Variants in NUMA1 observed in about 807,000 individuals in gnomAD.
NUMA1 encodes SP-H antigen.
A neutral mutation model predicts 237.1 loss-of-function variants in NUMA1; 62 were observed. That is an observed-to-expected ratio of 0.26 (90% confidence interval 0.21 to 0.32). The LOEUF is 0.32. NUMA1 is among the 10% of genes least tolerant of loss of function. NUMA1 has a pLI of 1.00. For missense variants in NUMA1, 2,533 were observed against 2,666.5 expected, an observed-to-expected ratio of 0.95 and a Z score of 1.10; for synonymous variants, 1,028 against 1,066.1, an observed-to-expected ratio of 0.96 and a Z score of 0.70.
intron 2 of NUMA1, among the ~76,000 whole-genome samples, chr11:72,037,372 G>T (rs1349682330): frequency 6.6e-6 from 1 of 152,198 alleles, no homozygotes; most frequent in African/African-American, 2.4e-5. Flanking sequence ...TGGGCATGGT[G>T]GCGGGCGCCT....
chr11:72,044,525 G>T (rs1031617148), intron 2 of NUMA1, among the ~76,000 whole-genome samples: 1 of 150,774 alleles, frequency 6.6e-6, no homozygotes, highest in Non-Finnish European at 1.5e-5. Context: ...TTACTTTAGG[G>T]TCCAGCTCAA....
chr11:72,064,520 A>C (rs1183771695), intron 2 of NUMA1, among the ~76,000 whole-genome samples: 3 of 152,044 alleles, frequency 2.0e-5, no homozygotes, highest in Non-Finnish European at 2.9e-5. Flanking sequence ...GGAAATACTC[A>C]AGAAATGTTG....
At position 72,009,082 on chromosome 11, in the gene NUMA1, A is replaced by C; in HGVS notation, c.4943T>G (p.Leu1648Arg). 1 of 1,613,616 alleles carries C rather than the reference A, an allele frequency of 6.2e-7. No homozygotes were observed. Among genetic ancestry groups the C allele is most frequent in the Non-Finnish European group, 8.5e-7 (1 of 1,180,024 alleles). ...LEQLQKENKE[L>R]RAEAERLGHE... The stretch of plus-strand genomic sequence containing the variant: ...GCCCAGCCGTTCAGCTTCAGCTCGC[A>C]GCTCTTTGTTTTCCTTCTGCAGCTG... The change falls in exon 19 of 27, where the codon CTG (leucine) becomes CGG (arginine). Residue 1648 changes from leucine (L) to arginine (R), a missense_variant. This residue lies in a region of NUMA1 where 795 missense variants were observed against 750.8 expected (regional missense o/e 1.06). Coordinates refer to ENST00000393695, the MANE Select transcript of NUMA1 (RefSeq NM_006185.4).
chr11:72,004,536 G>C lies in NUMA1; in HGVS notation c.6006+104C>G, dbSNP rs147980089. On this transcript the variant is annotated intron_variant, in intron 24 of 26. Transcript: ENST00000393695. ...AGGCCCTTGGAGAGAGGGAAAGAGA[G>C]GGGGAAGTGAGGGAAGGAGAGAGAA... 1.0e-3 allele frequency: 1,319 copies of C among 1,307,540 alleles called. 1 individual carries two copies. The highest frequency in any genetic ancestry group is 1.3e-3 in the Non-Finnish European group (1,260 of 941,128). 81.0% of individuals were successfully genotyped at this position (1,307,540 alleles called of 1,614,324 possible).
intron 15 of NUMA1, 51 bp from the exon 16 acceptor site, chr11:72,012,493 G>C: frequency 6.4e-7 from 1 of 1,555,118 alleles, no homozygotes; most frequent in South Asian, 1.1e-5. Flanking sequence ...GGCCAAAGAA[G>C]CACCAGCCCT....
chr11:72,017,585 A>G, intron 13 of NUMA1, 102 bp downstream of exon 13: 1 of 1,409,602 alleles, frequency 7.1e-7, no homozygotes, highest in Admixed American at 1.7e-5. Flanking sequence ...CTTGAAGAGA[A>G]AGCAACTTAA....
intron 3 of NUMA1, among the ~76,000 whole-genome samples, chr11:72,033,999 T>C (rs183196340): frequency 2.3e-4 from 35 of 152,272 alleles, no homozygotes; most frequent in Non-Finnish European, 4.4e-4. Flanking sequence ...CCTGTGGTCC[T>C]AGCTACTTGG....
At chr11:72,023,211 A>T in intron 5 of NUMA1, 64 bp from the exon 6 acceptor site, 1 of 1,215,266 alleles carries the variant, frequency 8.2e-7, no homozygotes, top group Non-Finnish European at 1.2e-6. Context: ...AGATCCCAGA[A>T]CACTGAAATC....
chr11:72,016,979 T>A (rs1176024950), intron 13 of NUMA1: 6 of 3,826 alleles, frequency 1.6e-3, no homozygotes, highest in African/African-American at 1.9e-3. Context: ...TCCCTAATTT[T>A]TTTTTTTTTT....
intron 1 of NUMA1, among the ~76,000 whole-genome samples, chr11:72,079,410 G>A (rs1943915732): frequency 6.6e-6 from 1 of 152,108 alleles, no homozygotes; most frequent in African/African-American, 2.4e-5. Flanking sequence ...GTGTGGTAGC[G>A]GGCGCCTGTA....
chr11:72,065,326 G>GA (rs900983907), intron 2 of NUMA1: 3 of 151,466 alleles, frequency 2.0e-5, no homozygotes, highest in Admixed American at 6.6e-5. Context: ...AAAATGATTT[G>GA]AAAAAAATTC....
In NUMA1 at chr11:72,022,617, T is replaced by C. The variant is rs35819274; in HGVS notation, c.292-198A>G. Among the ~76,000 whole-genome samples, 743 of 150,550 alleles carry C rather than the reference T, an allele frequency of 4.9e-3. 5 individuals carry two copies. Among genetic ancestry groups the C allele is most frequent in the Middle Eastern group, 0.01 (3 of 294 alleles). On this transcript the variant is annotated intron_variant, in intron 6 of 26. Transcript: ENST00000393695. ...TTTTTTAATTAAGGATAGTGTACAC[T>C]GTACAAAAAGCTGAGCGCCAAGATT...
At chr11:72,034,909 T>C (rs1191362699) in intron 3 of NUMA1, among the ~76,000 whole-genome samples, 1 of 152,192 alleles carries the variant, frequency 6.6e-6, no homozygotes, top group Non-Finnish European at 1.5e-5. Context: ...CACGCTGGAA[T>C]GCAGTGGTGC....
At chr11:72,049,583 A>ATATATATATATG (rs71052844) in intron 2 of NUMA1, 6 of 22,556 alleles carry the variant, frequency 2.7e-4, no homozygotes, top group African/African-American at 6.3e-4. Flanking sequence ...ATATATATAT[A>ATATATATATATG]GTGTGTGTGT....
intron 2 of NUMA1, 25 bp downstream of exon 2, chr11:72,069,817 G>C (rs1391563769): frequency 6.6e-6 from 1 of 152,200 alleles, no homozygotes; most frequent in East Asian, 1.9e-4. Flanking sequence ...TGAAAAACTA[G>C]AGGGCAGAAA....
chr11:72,074,771 C>T (rs560743274), intron 1 of NUMA1, among the ~76,000 whole-genome samples: 2 of 151,712 alleles, frequency 1.3e-5, no homozygotes, highest in South Asian at 2.1e-4. Flanking sequence ...CAATGGCTCA[C>T]GCCTGTAATC....
At chr11:72,019,002 A>G in intron 9 of NUMA1, 22 bp from the exon 10 acceptor site, 1 of 1,612,380 alleles carries the variant, frequency 6.2e-7, no homozygotes, top group Non-Finnish European at 8.5e-7. Flanking sequence ...GAAGGCCCAT[A>G]TGCATTGGTA....
chr11:72,071,538 G>A (rs1218523534), intron 1 of NUMA1, among the ~76,000 whole-genome samples: 1 of 152,172 alleles, frequency 6.6e-6, no homozygotes, highest in Non-Finnish European at 1.5e-5. Context: ...ATCCTTCAAT[G>A]AATCCTGAAT....
Position 72,013,467 on chromosome 11 carries a change from G to T in NUMA1, c.4036C>A (p.Leu1346Met). The change falls in exon 15 of 27, where the codon CTG (leucine) becomes ATG (methionine). Residue 1346 changes from leucine to methionine, a missense_variant. This residue lies in a region of NUMA1 where 324 missense variants were observed against 407.6 expected (regional missense o/e 0.79). Coordinates refer to ENST00000393695, the MANE Select transcript of NUMA1 (RefSeq NM_006185.4). This position sits in a 1 kb window ranked among gnomAD's most constrained non-coding sequence, Gnocchi z 6.8. ...TGTGTGCTGGTGTGCTCGAGCTGCAGGGTGGAGAGGGCCTGCTCTTTCTGG... is the reference window on the plus strand; with the variant it reads ...TGTGTGCTGGTGTGCTCGAGCTGCATGGTGGAGAGGGCCTGCTCTTTCTGG... Reference protein sequence around the residue: ...FFQKEQALSTLQLEHTSTQAL... With the variant: ...FFQKEQALSTMQLEHTSTQAL... 1 of 1,613,478 alleles carries T rather than the reference G, an allele frequency of 6.2e-7. No homozygotes were observed. Among genetic ancestry groups the T allele is most frequent in the Non-Finnish European group, 8.5e-7 (1 of 1,180,036 alleles).
Sources: gnomAD v4.1 joint callset for allele counts (sites outside exome capture counted in the v4.1 genomes callset) on GRCh38, gnomAD v4.1.1 for gene constraint, gnomAD v4.1.1 regional missense constraint, Gnocchi (gnomAD v3.1) non-coding constraint, MANE v1.5 for transcripts, NCBI Gene and HGNC (gene_info 2026-07-23, HGNC 2026-07-21) for gene names.